Variants in ST6GALNAC3 observed in about 807,000 individuals in gnomAD.
ST6GALNAC3 encodes alpha-N-acetylgalactosaminide alpha-2,6-sialyltransferase 3.
In ST6GALNAC3, 25 loss-of-function variants were observed where a neutral mutation model predicts 32.7. The observed-to-expected ratio is 0.76, with a 90% CI of 0.56 to 1.07. The LOEUF (loss-of-function observed/expected upper bound fraction) is 1.07, where lower values mean the gene tolerates loss of function less well. Among genes scored for constraint, ST6GALNAC3 ranks in the 50% least tolerant of loss-of-function variants. The pLI is 0.00. For synonymous variants in ST6GALNAC3, 129 were observed against 133.1 expected, an observed-to-expected ratio of 0.97 and a Z score of 0.21; for missense variants, 355 against 382.4, an observed-to-expected ratio of 0.93 and a Z score of 0.60.
intron 1 of ST6GALNAC3, among the ~76,000 whole-genome samples, chr1:76,162,314 C>T (rs1454520319): frequency 2.0e-5 from 3 of 152,202 alleles, no homozygotes; most frequent in Non-Finnish European, 2.9e-5. Context: ...CTGTTGCATG[C>T]GCATTCTCCG....
chr1:76,217,880 G>GTA (rs942399721), intron 1 of ST6GALNAC3, among the ~76,000 whole-genome samples: 6 of 152,044 alleles, frequency 3.9e-5, no homozygotes, highest in African/African-American at 9.7e-5. Context: ...GTATTCTATG[G>GTA]TATATATATA....
intron 1 of ST6GALNAC3, among the ~76,000 whole-genome samples, chr1:76,275,714 T>G (rs1311341990): frequency 1.3e-5 from 2 of 152,210 alleles, no homozygotes; most frequent in African/African-American, 4.8e-5. Flanking sequence ...TTTATTTTCT[T>G]AATTGATGGC....
chr1:76,337,138 T>C (rs945911424), intron 2 of ST6GALNAC3, among the ~76,000 whole-genome samples: 1 of 152,166 alleles, frequency 6.6e-6, no homozygotes, highest in African/African-American at 2.4e-5. Flanking sequence ...GACTCTCTCA[T>C]TTCTCCTAGA....
intron 3 of ST6GALNAC3, chr1:76,576,954 CA>C (rs1436003217): frequency 8.6e-6 from 11 of 1,286,548 alleles, no homozygotes; most frequent in Non-Finnish European, 1.1e-5. Flanking sequence ...AAGAAACAAA[CA>C]AACAAACAAA....
chr1:76,255,640 G>GTA (rs1239652499), intron 1 of ST6GALNAC3, among the ~76,000 whole-genome samples: 1 of 152,096 alleles, frequency 6.6e-6, no homozygotes. Flanking sequence ...GCTCCTTAGT[G>GTA]TCTTATGCCC....
chr1:76,297,179 G>T (rs1660454731), intron 1 of ST6GALNAC3, among the ~76,000 whole-genome samples: 1 of 151,740 alleles, frequency 6.6e-6, no homozygotes, highest in African/African-American at 2.4e-5. Context: ...ATTTGTCCAA[G>T]GTGGAGATGA....
intron 2 of ST6GALNAC3, among the ~76,000 whole-genome samples, chr1:76,332,746 C>T (rs1203838072): frequency 6.6e-6 from 1 of 152,200 alleles, no homozygotes; most frequent in African/African-American, 2.4e-5. Context: ...CCTGTACCCA[C>T]AGTACTCATG....
At chr1:76,213,374 A>T (rs1197835378) in intron 1 of ST6GALNAC3, among the ~76,000 whole-genome samples, 1 of 152,228 alleles carries the variant, frequency 6.6e-6, no homozygotes, top group Non-Finnish European at 1.5e-5. Context: ...ATCAATGCAC[A>T]TGAAGCCACA....
chr1:76,109,080 G>C (rs1364217158), intron 1 of ST6GALNAC3, among the ~76,000 whole-genome samples: 1 of 152,100 alleles, frequency 6.6e-6, no homozygotes, highest in African/African-American at 2.4e-5. Flanking sequence ...TTGTGTTCCT[G>C]GGAGGAATCT....
At chr1:76,384,852 C>A (rs1651972004) in intron 2 of ST6GALNAC3, among the ~76,000 whole-genome samples, 1 of 151,954 alleles carries the variant, frequency 6.6e-6, no homozygotes, top group South Asian at 2.1e-4. Context: ...TCAAAAATAA[C>A]CCTGTGCTCA....
At chr1:76,483,514 A>G (rs906818971) in intron 3 of ST6GALNAC3, among the ~76,000 whole-genome samples, 7 of 152,110 alleles carry the variant, frequency 4.6e-5, no homozygotes, top group Admixed American at 1.3e-4. Flanking sequence ...TTGGCTGCAT[A>G]AGTGTCTTCT....
At chr1:76,280,426 A>G (rs927187646) in intron 1 of ST6GALNAC3, among the ~76,000 whole-genome samples, 7 of 152,164 alleles carry the variant, frequency 4.6e-5, no homozygotes, top group Non-Finnish European at 1.0e-4. Context: ...TATTTCTTGC[A>G]TAGTACTTTC....
chr1:76,147,956 A>C (rs1650795172), intron 1 of ST6GALNAC3, among the ~76,000 whole-genome samples: 1 of 151,980 alleles, frequency 6.6e-6, no homozygotes, highest in African/African-American at 2.4e-5. Flanking sequence ...CTGTCTTTGG[A>C]ATGTTGTTGT....
At chr1:76,625,237 T>C (rs1353300219) in intron 3 of ST6GALNAC3, among the ~76,000 whole-genome samples, 1 of 151,948 alleles carries the variant, frequency 6.6e-6, no homozygotes, top group Admixed American at 6.6e-5. Flanking sequence ...GACCATGTAC[T>C]CTTAAGAAAA....
At chr1:76,182,566 A>G (rs1041545511) in intron 1 of ST6GALNAC3, among the ~76,000 whole-genome samples, 1 of 152,146 alleles carries the variant, frequency 6.6e-6, no homozygotes, top group African/African-American at 2.4e-5. Context: ...GGTCTTGTGC[A>G]ATTATTTTCA....
At chr1:76,419,451 T>C (rs1231483988) in intron 3 of ST6GALNAC3, among the ~76,000 whole-genome samples, 5 of 152,148 alleles carry the variant, frequency 3.3e-5, no homozygotes. Flanking sequence ...TTATACAGGC[T>C]TTAAAGGGTT....
intron 3 of ST6GALNAC3, among the ~76,000 whole-genome samples, chr1:76,548,318 G>A (rs1302762838): frequency 4.6e-5 from 7 of 152,078 alleles, no homozygotes; most frequent in African/African-American, 1.4e-4. Context: ...AAACTGTATC[G>A]ATAGTGGCCC....
chr1:76,622,005 G>A (rs1321667167), intron 3 of ST6GALNAC3, among the ~76,000 whole-genome samples: 1 of 151,920 alleles, frequency 6.6e-6, no homozygotes, highest in Non-Finnish European at 1.5e-5. Context: ...CCAATACCAT[G>A]CTCTCCAATA....
At chr1:76,307,905 A>T (rs753045144) in intron 1 of ST6GALNAC3, 2 of 516,342 alleles carry the variant, frequency 3.9e-6, no homozygotes, top group South Asian at 2.8e-5. Flanking sequence ...TTCTCCTATG[A>T]AGTCTGATAA....
Sources: allele counts gnomAD v4.1 joint callset (sites outside exome capture counted in the v4.1 genomes callset), GRCh38; gene constraint gnomAD v4.1.1; transcripts MANE v1.5; gene names NCBI Gene and HGNC (gene_info 2026-07-23, HGNC 2026-07-21).